The following JAM2 variants were observed in gnomAD, a reference collection of about 807,000 sequenced individuals.
JAM2 encodes junctional adhesion molecule B.
A neutral mutation model predicts 42.0 loss-of-function variants in JAM2; 17 were observed. The ratio of observed to expected loss-of-function variants is 0.40; its 90% CI spans 0.28 to 0.61. The LOEUF (loss-of-function observed/expected upper bound fraction) is 0.61. Ranked by LOEUF, JAM2 falls within the 20% of genes least tolerant of loss-of-function variation. JAM2 has a pLI of 0.37. For missense variants in JAM2, 319 were observed against 358.3 expected, an observed-to-expected ratio of 0.89 and a Z score of 0.89; for synonymous variants, 118 against 128.6, an observed-to-expected ratio of 0.92 and a Z score of 0.56.
chr21:25,662,094 C>T (rs147193687), intron 1 of JAM2, among the ~76,000 whole-genome samples: 63 of 152,166 alleles, frequency 4.1e-4, no homozygotes, highest in African/African-American at 1.4e-3. Context: ...GGCTATAAAC[C>T]TGTAACATTA....
chr21:25,685,972 T>C (rs2033743394), intron 2 of JAM2, among the ~76,000 whole-genome samples: 1 of 152,234 alleles, frequency 6.6e-6, no homozygotes, highest in Admixed American at 6.5e-5. Flanking sequence ...CAAAATTATA[T>C]TCTTTAACCT....
chr21:25,683,472 C>T (rs1037276306), intron 1 of JAM2, among the ~76,000 whole-genome samples: 1 of 151,920 alleles, frequency 6.6e-6, no homozygotes, highest in Non-Finnish European at 1.5e-5. Flanking sequence ...TGGGTATTGT[C>T]AAGGATAAAT....
At chr21:25,677,545 A>C (rs1032415351) in intron 1 of JAM2, among the ~76,000 whole-genome samples, 4 of 152,210 alleles carry the variant, frequency 2.6e-5, no homozygotes, top group African/African-American at 9.6e-5. Context: ...TGATTCCTGA[A>C]ACCCAGTTCC....
At chr21:25,674,790 TA>T (rs1454627104) in intron 1 of JAM2, among the ~76,000 whole-genome samples, 1 of 151,524 alleles carries the variant, frequency 6.6e-6, no homozygotes, top group East Asian at 1.9e-4. Context: ...CTAGTATGGT[TA>T]GACGATAATG....
At chr21:25,653,741 T>C (rs2032846653) in intron 1 of JAM2, among the ~76,000 whole-genome samples, 1 of 152,118 alleles carries the variant, frequency 6.6e-6, no homozygotes, top group African/African-American at 2.4e-5. Flanking sequence ...GGGATTACAA[T>C]TCAAGATGAG....
chr21:25,717,536 C>T lies in JAM2; in HGVS notation c.*2864C>T, dbSNP rs373831745. On this transcript the variant is annotated 3_prime_UTR_variant, in exon 10 of 10. Coordinates refer to ENST00000480456, the MANE Select transcript of JAM2 (RefSeq NM_021219.4). ...TCCTTTTTCCACAGGTGGCTTTGTT[C>T]GATTAAAGTCTACACTAATAAAAAT... 21 of 1,235,742 alleles carry T rather than the reference C, an allele frequency of 1.7e-5. No homozygotes were observed. The Middle Eastern group carries it at 7.9e-4, about 47-fold the overall frequency. The allele number at this position is 1,235,742 out of a possible 1,614,324, so 76.5% of individuals were successfully genotyped here.
chr21:25,699,379 A>G (rs1330856459), intron 5 of JAM2, among the ~76,000 whole-genome samples: 1 of 152,158 alleles, frequency 6.6e-6, no homozygotes, highest in East Asian at 1.9e-4. Flanking sequence ...GGTGTTTCCT[A>G]GGAATTAGAA....
chr21:25,691,876 G>A lies in JAM2; in HGVS notation c.242-1880G>A, dbSNP rs939121558. Among the ~76,000 whole-genome samples the A allele has an allele frequency of 7.2e-5, 11 of 151,978 alleles. 1 individual carries two copies. Among genetic ancestry groups the A allele is most frequent in the Non-Finnish European group, 1.5e-5 (1 of 67,978 alleles). On this transcript the variant is annotated intron_variant, in intron 3 of 9. Transcript: ENST00000480456. ...GAAATCCCGTCTCTACTAAAAATAC[G>A]AAAATTAGCCAGTGTGGTGGTGCAT...
intron 7 of JAM2, 84 bp downstream of exon 7, chr21:25,706,170 TG>T: frequency 5.5e-6 from 5 of 911,100 alleles, no homozygotes; most frequent in South Asian, 1.4e-5. Context: ...CCTAGGAAGT[TG>T]TTTTTTTGTT....
chr21:25,658,991 T>C (rs2033011060), intron 1 of JAM2, among the ~76,000 whole-genome samples: 1 of 152,320 alleles, frequency 6.6e-6, no homozygotes, highest in Admixed American at 6.5e-5. Context: ...ATATTTTCAG[T>C]GTCCCTGTCT....
intron 1 of JAM2, among the ~76,000 whole-genome samples, chr21:25,646,316 G>T (rs2032609983): frequency 6.6e-6 from 1 of 152,150 alleles, no homozygotes; most frequent in African/African-American, 2.4e-5. Context: ...AATCATGTGT[G>T]CTGTGTTTTC....
rs186766721 is a variant in JAM2, at chr21:25,642,053, G to A, written c.67+2165G>A. Among the ~76,000 whole-genome samples, 20 of 152,224 alleles carry A rather than the reference G, an allele frequency of 1.3e-4. No homozygotes were observed. In the East Asian group the frequency reaches 2.9e-3, roughly 22 times the overall value. Reference sequence around the variant, plus strand: ...TCACATTATCTCCAGGGAACATACCGTACACATGACTTATTGCTGTTGATG... The same window carrying A: ...TCACATTATCTCCAGGGAACATACCATACACATGACTTATTGCTGTTGATG... On this transcript the variant is annotated intron_variant, in intron 1 of 9. Transcript: ENST00000480456.
chr21:25,714,580 T>G, intron 9 of JAM2, 60 bp from the exon 10 acceptor site: 2 of 1,022,550 alleles, frequency 2.0e-6, no homozygotes, highest in Middle Eastern at 2.6e-4. Context: ...ATTCATAAGA[T>G]TTATGTTTCT....
chr21:25,682,391 G>A (rs971922867), intron 1 of JAM2, among the ~76,000 whole-genome samples: 1 of 152,202 alleles, frequency 6.6e-6, no homozygotes, highest in Non-Finnish European at 1.5e-5. Context: ...AGGTTATTTT[G>A]AATATTGAAT....
intron 1 of JAM2, among the ~76,000 whole-genome samples, chr21:25,672,078 A>C (rs2033375216): frequency 6.6e-6 from 1 of 151,990 alleles, no homozygotes; most frequent in Non-Finnish European, 1.5e-5. Context: ...GTATCTTGTC[A>C]CATACATTGT....
At chr21:25,647,316 C>T (rs1244179172) in intron 1 of JAM2, among the ~76,000 whole-genome samples, 1 of 152,142 alleles carries the variant, frequency 6.6e-6, no homozygotes, top group Admixed American at 6.5e-5. Context: ...CCTTAAGTTT[C>T]CTGCAAATGG....
At chr21:25,646,298 A>T (rs182273473) in intron 1 of JAM2, among the ~76,000 whole-genome samples, 2 of 152,154 alleles carry the variant, frequency 1.3e-5, no homozygotes, top group Non-Finnish European at 2.9e-5. Flanking sequence ...TTAAGGAAAA[A>T]ATTTTTTAAT....
intron 4 of JAM2, among the ~76,000 whole-genome samples, chr21:25,695,626 T>C (rs1436357225): frequency 2.9e-5 from 4 of 137,212 alleles, no homozygotes; most frequent in African/African-American, 2.8e-5. Flanking sequence ...CCCTCCCGGA[T>C]GGGGCGGCGG....
chr21:25,714,559 T>C (rs1444826340), intron 9 of JAM2, 81 bp from the exon 10 acceptor site: 6 of 894,750 alleles, frequency 6.7e-6, no homozygotes, highest in Non-Finnish European at 1.0e-5. Flanking sequence ...TTACAATAAA[T>C]ATAGCTTGAT....
Sources: gnomAD v4.1 joint callset for allele counts (sites outside exome capture counted in the v4.1 genomes callset) on GRCh38, gnomAD v4.1.1 for gene constraint, MANE v1.5 for transcripts, NCBI Gene and HGNC (gene_info 2026-07-23, HGNC 2026-07-21) for gene names.